The following SV2C variants were observed in gnomAD, a reference collection of about 807,000 sequenced individuals.
SV2C encodes the protein synaptic vesicle glycoprotein 2C.
SV2C carries 49 observed loss-of-function variants against 79.7 expected under a neutral mutation model. The observed-to-expected ratio is 0.61, with a 90% CI of 0.49 to 0.78. The LOEUF is 0.78. Among genes scored for constraint, SV2C ranks in the 30% least tolerant of loss-of-function variants. SV2C has a pLI of 0.00. For synonymous variants in SV2C, 334 were observed against 333.2 expected (o/e 1.00, Z -0.03); for missense variants, 833 against 912.9 (o/e 0.91, Z 1.13).
At chr5:76,029,934 C>T in the SV2C span, among the ~76,000 whole-genome samples, 1 of 152,146 alleles carries the variant, frequency 6.6e-6, no homozygotes, top group African/African-American at 2.4e-5. Context: ...GAAGTAGGTT[C>T]TGTCTCTGCT....
intron 3 of SV2C, among the ~76,000 whole-genome samples, chr5:76,200,608 G>A (rs560035340): frequency 3.3e-5 from 5 of 152,228 alleles, no homozygotes; most frequent in East Asian, 3.9e-4. Flanking sequence ...AAATAAAGGG[G>A]ACTGGAAGGA....
At chr5:75,954,373 G>A in the SV2C span, among the ~76,000 whole-genome samples, 2 of 151,930 alleles carry the variant, frequency 1.3e-5, no homozygotes, top group Non-Finnish European at 2.9e-5. Flanking sequence ...GTCATAGATA[G>A]TTCTTATTAT....
At chr5:76,073,342 AG>A in the SV2C span, among the ~76,000 whole-genome samples, 1 of 151,754 alleles carries the variant, frequency 6.6e-6, no homozygotes, top group African/African-American at 2.4e-5. Flanking sequence ...TTTTTTGAAA[AG>A]CATGTCCTTT....
the SV2C span, among the ~76,000 whole-genome samples, chr5:75,901,806 C>G: frequency 1.4e-4 from 21 of 152,380 alleles, no homozygotes; most frequent in East Asian, 2.3e-3. Flanking sequence ...GTGCCCCTCC[C>G]CCAGCCTTGC....
downstream of SV2C, among the ~76,000 whole-genome samples, chr5:76,336,058 C>T (rs1417442548): frequency 1.5e-5 from 1 of 65,912 alleles, no homozygotes; most frequent in African/African-American, 4.0e-5. Context: ...GGGCTGACCC[C>T]CCCACCTCCC....
chr5:76,254,257 T>TAGAGAG (rs766602017), intron 4 of SV2C, among the ~76,000 whole-genome samples: 2,389 of 149,368 alleles, frequency 0.016, 81 homozygotes, highest in African/African-American at 0.056. Context: ...TATATATATA[T>TAGAGAG]AGAGAGAGAG....
In SV2C at chr5:76,290,529, T is replaced by G. The variant is rs80256174; in HGVS notation, c.1138-692T>G. Among the ~76,000 whole-genome samples the G allele has an allele frequency of 8.8e-3, 1,342 of 152,328 alleles. 18 individuals are homozygous for G. The highest frequency in any genetic ancestry group is 0.03 in the African/African-American group (1,266 of 41,572). On this transcript the variant is annotated intron_variant, in intron 6 of 12. Transcript: ENST00000502798. ...ATTTTCAGGATTCATTCTCTGTGCTTCTCCTATCTTGTGGTTCTCTTCCTT... is the reference window on the plus strand; with the variant it reads ...ATTTTCAGGATTCATTCTCTGTGCTGCTCCTATCTTGTGGTTCTCTTCCTT...
chr5:75,942,592 TC>T, the SV2C span, among the ~76,000 whole-genome samples: 1 of 152,190 alleles, frequency 6.6e-6, no homozygotes, highest in South Asian at 2.1e-4. Context: ...AAGCTATTGT[TC>T]CTTTGGCCTT....
chr5:76,287,946 G>A (rs1337958908), intron 6 of SV2C, among the ~76,000 whole-genome samples: 5 of 152,110 alleles, frequency 3.3e-5, no homozygotes, highest in African/African-American at 1.2e-4. Flanking sequence ...TCAGCTGGGT[G>A]TGATGGCACC....
chr5:76,350,938 C>G (rs10041008), intron 12 of SV2C, among the ~76,000 whole-genome samples: 2 of 151,028 alleles, frequency 1.3e-5, no homozygotes, highest in Middle Eastern at 3.4e-3. Context: ...CGCTTGAACC[C>G]GGGAGGCGGA....
chr5:75,947,368 C>A, the SV2C span, among the ~76,000 whole-genome samples: 5 of 151,954 alleles, frequency 3.3e-5, no homozygotes, highest in African/African-American at 1.2e-4. Flanking sequence ...TCTCTTCCTG[C>A]AGCCTTCATT....
At chr5:76,182,622 G>C (rs1743770810) in intron 2 of SV2C, among the ~76,000 whole-genome samples, 1 of 152,218 alleles carries the variant, frequency 6.6e-6, no homozygotes, top group Non-Finnish European at 1.5e-5. Context: ...TGCACATTCA[G>C]AGCCAGCACG....
chr5:76,066,559 C>T, the SV2C span, among the ~76,000 whole-genome samples: 1 of 151,202 alleles, frequency 6.6e-6, no homozygotes, highest in Admixed American at 6.6e-5. Flanking sequence ...ACATATGTAA[C>T]AAACCTGCAC....
the SV2C span, among the ~76,000 whole-genome samples, chr5:75,997,364 T>C: frequency 6.6e-6 from 1 of 151,430 alleles, no homozygotes; most frequent in South Asian, 2.1e-4. Flanking sequence ...CTAAAGAGCT[T>C]CTGCGCAGCA....
chr5:75,885,216 C>T, the SV2C span, among the ~76,000 whole-genome samples: 1 of 152,124 alleles, frequency 6.6e-6, no homozygotes, highest in Non-Finnish European at 1.5e-5. Context: ...GGATGTCTAA[C>T]ATTTTGAGCT....
intron 11 of SV2C, 137 bp from the exon 12 acceptor site, chr5:76,301,248 AG>A: frequency 8.9e-7 from 1 of 1,119,372 alleles, no homozygotes; most frequent in Non-Finnish European, 1.3e-6. Flanking sequence ...TGAATGCACC[AG>A]TTCTTGAGCT....
At chr5:76,178,641 G>A (rs1192879381) in intron 2 of SV2C, among the ~76,000 whole-genome samples, 1 of 152,166 alleles carries the variant, frequency 6.6e-6, no homozygotes, top group Non-Finnish European at 1.5e-5. Flanking sequence ...AATAGGAAGG[G>A]CATGTTCTTA....
chr5:76,319,809 G>A (rs749718628), intron 12 of SV2C, among the ~76,000 whole-genome samples: 1 of 152,058 alleles, frequency 6.6e-6, no homozygotes, highest in African/African-American at 2.4e-5. Flanking sequence ...GGGAAAATAC[G>A]GTTATTTTAA....
In SV2C at chr5:76,301,599, G is replaced by A. The variant is rs943089131; in HGVS notation, c.2000+54G>A. The A allele has an allele frequency of 3.2e-6, 5 of 1,563,620 alleles. No individual in the cohort carries two copies. The Admixed American group carries it at 9.2e-5, about 29-fold the overall frequency. On this transcript the variant is annotated intron_variant, in intron 12 of 12. Coordinates refer to ENST00000502798, the MANE Select transcript of SV2C (RefSeq NM_014979.4). ...GCACTCTAAGCCCTGTGAGACCACT[G>A]AAAAATTATTTTAAAACAACCCAAA...
Sources: allele counts gnomAD v4.1 joint callset (sites outside exome capture counted in the v4.1 genomes callset), GRCh38; gene constraint gnomAD v4.1.1; transcripts MANE v1.5; gene names NCBI Gene and HGNC (gene_info 2026-07-23, HGNC 2026-07-21).